The following LHX3 variants were observed in gnomAD, a reference collection of about 807,000 sequenced individuals.
The protein encoded by LHX3 is LIM/homeobox protein Lhx3.
A neutral mutation model predicts 32.4 loss-of-function variants in LHX3; 21 were observed. The observed-to-expected ratio is 0.65, with a 90% CI of 0.46 to 0.93. The LOEUF (loss-of-function observed/expected upper bound fraction) is 0.93. LHX3 is among the 40% of genes least tolerant of loss of function. LHX3 has a pLI of 0.00. For synonymous variants in LHX3, 258 were observed against 246.8 expected (o/e 1.05, Z -0.43); for missense variants, 626 against 560.0 (o/e 1.12, Z -1.19).
In LHX3 at chr9:136,198,952, C is replaced by T. The variant is rs762995430; in HGVS notation, c.562G>A (p.Glu188Lys). 2.5e-6 allele frequency: 4 copies of T among 1,588,154 alleles called. No homozygotes were observed. In the South Asian group the frequency reaches 3.4e-5, roughly 13 times the overall value. The change falls in exon 4 of 6, where the codon GAG (glutamate) becomes AAG (lysine). Residue 188 changes from glutamate to lysine, a missense_variant. Coordinates refer to ENST00000371748, the MANE Select transcript of LHX3 (RefSeq NM_178138.6). ...TSPKPARHVREQLSSETGLDM... is the reference protein window; with the variant it reads ...TSPKPARHVRKQLSSETGLDM... Reference sequence around the variant, plus strand: ...AGGCCCGTCTCGGACGAGAGCTGCTCGCGCACGTGGCGCGCCGGCTTGGGC... The same window carrying T: ...AGGCCCGTCTCGGACGAGAGCTGCTTGCGCACGTGGCGCGCCGGCTTGGGC...
At chr9:136,199,185 G>C (rs1564282975) in intron 3 of LHX3, 126 bp from the exon 4 acceptor site, 1 of 487,798 alleles carries the variant, frequency 2.1e-6, no homozygotes, top group Non-Finnish European at 3.2e-6. Context: ...CGCCCCACAG[G>C]CTTCTCGGAA....
chr9:136,200,415 C>T (rs1831611453), intron 2 of LHX3, 167 bp downstream of exon 2: 3 of 738,148 alleles, frequency 4.1e-6, no homozygotes, highest in Admixed American at 2.2e-5. Context: ...AGAGGCCCCA[C>T]CCTTAATTTG....
chr9:136,200,857 A>C (rs1588627003), intron 1 of LHX3, 104 bp from the exon 2 acceptor site: 9 of 1,308,368 alleles, frequency 6.9e-6, no homozygotes, highest in African/African-American at 1.5e-5. Context: ...CACAGGACTC[A>C]GGGCTGCCGA....
chr9:136,201,673 G>A, intron 1 of LHX3: 1 of 988,798 alleles, frequency 1.0e-6, no homozygotes, highest in Non-Finnish European at 1.2e-6. Flanking sequence ...CCATCTCCCA[G>A]TGGGTGAGAG....
rs1009805979 is a variant in LHX3 at position 136,197,171 on chromosome 9, G to C, written c.*154C>G. 42 of 798,942 alleles carry C rather than the reference G, an allele frequency of 5.3e-5. No homozygotes were observed. The Admixed American group carries it at 5.8e-4, about 11-fold the overall frequency. The allele number at this position is 798,942 out of a possible 1,614,324, so 49.5% of individuals were successfully genotyped here. A position where few individuals can be genotyped will look rare whatever the true frequency, so the allele number is the denominator to read the frequency against. On this transcript the variant is annotated 3_prime_UTR_variant, in exon 6 of 6. Transcript: ENST00000371748. ...GGCCAGGTGGGTCCCTCAGCCCCCA[G>C]AGAGGGAGCTGTGCGGTCGGCAGTG...
chr9:136,204,659 T>G (rs1831715523), intron 1 of LHX3, among the ~76,000 whole-genome samples: 1 of 152,188 alleles, frequency 6.6e-6, no homozygotes, highest in South Asian at 2.1e-4. Context: ...TAGCACCCCT[T>G]GGTCGGCCCC....
rs866451680 is a variant in LHX3 at position 136,197,585 on chromosome 9, C to T, written c.934G>A (p.Gly312Ser). 3.9e-6 allele frequency: 6 copies of T among 1,538,348 alleles called. No individual in the cohort carries two copies. Among genetic ancestry groups the T allele is most frequent in the Non-Finnish European group, 5.3e-6 (6 of 1,140,026 alleles). Residue 312 changes from glycine (G) to serine (S), a missense_variant, in exon 6 of 6, where the codon GGC becomes AGC. Gly to Ser is a moderately conservative substitution (Grantham distance 56, BLOSUM62 0). Coordinates refer to ENST00000371748, the MANE Select transcript of LHX3 (RefSeq NM_178138.6). ...GPEQYRELRPGSPYGVPPSPA... is the reference protein window; with the variant it reads ...GPEQYRELRPSSPYGVPPSPA... Reference sequence around the variant, plus strand: ...GATGGGGGGACACCGTAGGGGCTGCCGGGACGCAGCTCTCGGTACTGCTCT... The same window carrying T: ...GATGGGGGGACACCGTAGGGGCTGCTGGGACGCAGCTCTCGGTACTGCTCT...
Position 136,196,953 on chromosome 9 carries a change from T to G in LHX3, c.*372A>C. ...AAGCACAATTATGATGATTTCTCAGTTTTAGAGATGAAAGCGTTTTTCCAG... is the reference window on the plus strand; with the variant it reads ...AAGCACAATTATGATGATTTCTCAGGTTTAGAGATGAAAGCGTTTTTCCAG... On this transcript the variant is annotated 3_prime_UTR_variant, in exon 6 of 6. Coordinates refer to ENST00000371748, the MANE Select transcript of LHX3 (RefSeq NM_178138.6). The G allele has an allele frequency of 3.2e-6, 1 of 315,564 alleles. No individual in the cohort carries two copies. 19.5% of individuals were successfully genotyped at this position (315,564 alleles called of 1,614,324 possible).
intron 1 of LHX3, among the ~76,000 whole-genome samples, chr9:136,202,039 C>A (rs1370630094): frequency 6.6e-6 from 1 of 152,056 alleles, no homozygotes; most frequent in Non-Finnish European, 1.5e-5. Flanking sequence ...GCGACTCCAG[C>A]CCTGGCGGGG....
chr9:136,197,654 C>T lies in LHX3; in HGVS notation c.865G>A (p.Ala289Thr), dbSNP rs779327280. The T allele has an allele frequency of 6.3e-7, 1 of 1,597,566 alleles. No homozygotes were observed. Among genetic ancestry groups the T allele is most frequent in the South Asian group, 1.1e-5 (1 of 88,864 alleles). The change falls in exon 6 of 6, where the codon GCC becomes ACC. Residue 289 changes from alanine (A) to threonine (T), a missense_variant. By Grantham distance (58) the Ala-to-Thr change is moderately conservative (BLOSUM62 0). Coordinates refer to ENST00000371748, the MANE Select transcript of LHX3 (RefSeq NM_178138.6). Reference sequence around the variant, plus strand: ...TGCTCCAGGGAGAAGTTGCCCAGGGCTCCCGAGGGCCGGCCCAAGGCCTGG... The same window carrying T: ...TGCTCCAGGGAGAAGTTGCCCAGGGTTCCCGAGGGCCGGCCCAAGGCCTGG... ...PTQALGRPSG[A>T]LGNFSLEHGG...
At chr9:136,199,584 G>T in intron 3 of LHX3, 94 bp downstream of exon 3, 1 of 1,358,436 alleles carries the variant, frequency 7.4e-7, no homozygotes, top group Non-Finnish European at 1.0e-6. Context: ...GTGAGCGCTT[G>T]GGGAGAGAAT....
intron 1 of LHX3, 84 bp from the exon 2 acceptor site, chr9:136,200,837 C>A: frequency 6.7e-7 from 1 of 1,482,192 alleles, no homozygotes. Flanking sequence ...AGCCAGTCTC[C>A]CCTCCGGCCC....
In LHX3 at chr9:136,197,532, G is replaced by T. The variant is rs1232552009; in HGVS notation, c.987C>A (p.Gly329=). ...PSPAAPQSLP[G]PQPLLSSLVY... ...CCAGGCTGGAGAGGAGGGGCTGGGG[G>T]CCAGGGAGGCTCTGCGGGGCGGCGG... Residue 329 remains glycine, a synonymous_variant, in exon 6 of 6, where the codon GGC becomes GGA. Transcript: ENST00000371748. 6 of 1,530,466 alleles carry T rather than the reference G, an allele frequency of 3.9e-6. No homozygotes were observed. The highest frequency in any genetic ancestry group is 2.5e-5 in the East Asian group (1 of 40,804). The allele number at this position is 1,530,466 out of a possible 1,614,324, so 94.8% of individuals were successfully genotyped here.
intron 1 of LHX3, 148 bp downstream of exon 1, chr9:136,204,786 A>T: frequency 1.4e-6 from 1 of 692,944 alleles, no homozygotes; most frequent in Admixed American, 2.5e-5. Context: ...TGGGATCTGG[A>T]AACTCACTCT....
intron 1 of LHX3, among the ~76,000 whole-genome samples, chr9:136,202,105 C>G (rs112030565): frequency 0.074 from 11,216 of 152,238 alleles, 723 homozygotes; most frequent in African/African-American, 0.17. Context: ...CCCGCCCGCT[C>G]CGGCCAGCTC....
rs1344064442 is a variant in LHX3 at position 136,198,783 on chromosome 9, A to G, written c.644T>C (p.Leu215Pro). The G allele has an allele frequency of 6.2e-7, 1 of 1,610,450 alleles. No homozygotes were observed. The highest frequency in any genetic ancestry group is 2.2e-5 in the East Asian group (1 of 44,794). ...FQNRRAKEKRLKKDAGRQRWG... is the reference protein window; with the variant it reads ...FQNRRAKEKRPKKDAGRQRWG... ...GCGCTGCCGGCCGGCGTCCTTCTTC[A>G]GCCTCTTCTCCTTGGCCCGGCGGTT... Residue 215 changes from leucine to proline, a missense_variant, in exon 5 of 6, where the codon CTG becomes CCG. Transcript: ENST00000371748.
chr9:136,200,796 G>A (rs777156886), intron 1 of LHX3, 43 bp from the exon 2 acceptor site: 47 of 1,609,734 alleles, frequency 2.9e-5, no homozygotes, highest in Non-Finnish European at 3.7e-5. Context: ...TAGACCAGGA[G>A]GCAGTGAAGC....
intron 1 of LHX3, chr9:136,203,038 A>G: frequency 5.3e-6 from 8 of 1,516,422 alleles, no homozygotes; most frequent in Non-Finnish European, 7.0e-6. Flanking sequence ...GCGCGCCTCC[A>G]TGGGTCCCGC....
chr9:136,202,420 AAG>A (rs1320297465), intron 1 of LHX3, among the ~76,000 whole-genome samples: 9 of 152,108 alleles, frequency 5.9e-5, no homozygotes, highest in Admixed American at 3.9e-4. Flanking sequence ...GGGCCTGGAG[AAG>A]AGAGGCTTTT....
Sources: gnomAD v4.1 joint callset for allele counts (sites outside exome capture counted in the v4.1 genomes callset) on GRCh38, gnomAD v4.1.1 for gene constraint, MANE v1.5 for transcripts, NCBI Gene and HGNC (gene_info 2026-07-23, HGNC 2026-07-21) for gene names.